UBXN2B: variants seen among roughly 807,000 people sequenced by gnomAD.
The protein encoded by UBXN2B is UBX domain protein 2B.
A neutral mutation model predicts 37.5 loss-of-function variants in UBXN2B; 19 were observed. The ratio of observed to expected loss-of-function variants is 0.51; its 90% CI spans 0.35 to 0.74. UBXN2B has a LOEUF of 0.74. UBXN2B is among the 30% of genes least tolerant of loss of function. The probability of loss-of-function intolerance (pLI) is 0.01; values close to 1 mark genes in which losing one functional copy is unlikely to be tolerated. For synonymous variants in UBXN2B, 145 were observed against 143.8 expected (o/e 1.01, Z -0.06); for missense variants, 370 against 393.2 (o/e 0.94, Z 0.50).
intron 4 of UBXN2B, among the ~76,000 whole-genome samples, chr8:58,433,777 T>TA (rs532052204): frequency 1.3e-5 from 2 of 151,900 alleles, no homozygotes; most frequent in African/African-American, 2.4e-5. Context: ...ATCTTTAAGA[T>TA]AAAAAAATCA....
chr8:58,426,795 G>T, intron 2 of UBXN2B: 1 of 603,226 alleles, frequency 1.7e-6, no homozygotes, highest in Non-Finnish European at 3.1e-6. Context: ...CAGATGCGGG[G>T]CGGAGCCAGC....
chr8:58,420,961 A>AT (rs550495048), intron 2 of UBXN2B, among the ~76,000 whole-genome samples: 51 of 152,206 alleles, frequency 3.4e-4, no homozygotes, highest in Non-Finnish European at 6.5e-4. Flanking sequence ...GTAAAACTTG[A>AT]TTCCCCCAAC....
intron 2 of UBXN2B, chr8:58,425,381 G>T (rs1563459642): frequency 1.8e-6 from 2 of 1,130,398 alleles, no homozygotes; most frequent in Non-Finnish European, 1.4e-6. Context: ...AGGCAGCCTT[G>T]TGTGGCAATG....
At chr8:58,421,160 G>A (rs1408314293) in intron 2 of UBXN2B, among the ~76,000 whole-genome samples, 1 of 151,982 alleles carries the variant, frequency 6.6e-6, no homozygotes, top group African/African-American at 2.4e-5. Context: ...AAACAATCTT[G>A]ACCATTTTCT....
At position 58,411,424 on chromosome 8, in the gene UBXN2B, G is replaced by A. The variant is rs1807632591; in HGVS notation, c.39G>A (p.Glu13=). The change falls in exon 1 of 8, where the codon GAG becomes GAA. Residue 13 remains glutamate (E), a synonymous_variant. Coordinates refer to ENST00000399598, the MANE Select transcript of UBXN2B (RefSeq NM_001077619.2). ...GAGGCCCTGAGCCCGGCGAGCAGGAGAGGAGGTCTTCCGGGCCGCGGCCTC... is the reference window on the plus strand; with the variant it reads ...GAGGCCCTGAGCCCGGCGAGCAGGAAAGGAGGTCTTCCGGGCCGCGGCCTC... The part of the protein sequence containing the change: ...EGGGPEPGEQ[E]RRSSGPRPPS... 3.9e-5 allele frequency: 49 copies of A among 1,266,438 alleles called. No homozygotes were observed. Among genetic ancestry groups the A allele is most frequent in the Non-Finnish European group, 4.7e-5 (47 of 1,000,462 alleles). The allele number at this position is 1,266,438 out of a possible 1,614,324, so 78.5% of individuals were successfully genotyped here.
At chr8:58,422,875 A>G (rs2081721250) in intron 2 of UBXN2B, among the ~76,000 whole-genome samples, 1 of 152,216 alleles carries the variant, frequency 6.6e-6, no homozygotes, top group South Asian at 2.1e-4. Context: ...TACTGTAAGC[A>G]GTTTTGGCTT....
At chr8:58,418,172 C>T (rs562691712) in intron 2 of UBXN2B, among the ~76,000 whole-genome samples, 2 of 139,840 alleles carry the variant, frequency 1.4e-5, no homozygotes, top group Non-Finnish European at 3.0e-5. Context: ...TCTTGGGAGG[C>T]AGAAGTTGCA....
At chr8:58,441,260 C>T (rs534894549) in intron 6 of UBXN2B, among the ~76,000 whole-genome samples, 1 of 150,936 alleles carries the variant, frequency 6.6e-6, no homozygotes, top group African/African-American at 2.4e-5. Flanking sequence ...TGCCAAAGTG[C>T]CTGGGTTACA....
chr8:58,418,073 T>C (rs1170622337), intron 2 of UBXN2B, among the ~76,000 whole-genome samples: 1 of 151,790 alleles, frequency 6.6e-6, no homozygotes, highest in Non-Finnish European at 1.5e-5. Context: ...AAACCCCATC[T>C]CTCCTAAAAA....
rs1054566030 is a variant in UBXN2B, at chr8:58,447,728, C to A, written c.*177C>A. 24 of 525,042 alleles carry A rather than the reference C, an allele frequency of 4.6e-5. No individual in the cohort carries two copies. The highest frequency in any genetic ancestry group is 6.7e-5 in the Non-Finnish European group (22 of 327,438). 32.5% of individuals were successfully genotyped at this position (525,042 alleles called of 1,614,324 possible). On this transcript the variant is annotated 3_prime_UTR_variant, in exon 8 of 8. Coordinates refer to ENST00000399598, the MANE Select transcript of UBXN2B (RefSeq NM_001077619.2). The stretch of plus-strand genomic sequence containing the variant: ...TAGACAAATTTGGATTAGGAATAGA[C>A]CTTGAGATAAGTATGTTTGAGTTTT...
At chr8:58,445,054 A>T (rs1808637086) in intron 6 of UBXN2B, among the ~76,000 whole-genome samples, 1 of 152,232 alleles carries the variant, frequency 6.6e-6, no homozygotes, top group African/African-American at 2.4e-5. Flanking sequence ...TTCAAGAGAA[A>T]AAACTTCAAG....
chr8:58,420,944 G>C (rs545077521), intron 2 of UBXN2B, among the ~76,000 whole-genome samples: 47 of 152,302 alleles, frequency 3.1e-4, no homozygotes, highest in African/African-American at 1.1e-3. Flanking sequence ...CCATGTGCTT[G>C]CTATATGTAA....
In UBXN2B at chr8:58,439,725, G is replaced by C. The variant is rs747002448; in HGVS notation, c.626G>C (p.Arg209Thr). ...CAGGATCAAGAATACATAAAACCTA[G>C]ATTGAGGTTCAAGGCTTTTAGTGGA... Reference protein sequence around the residue: ...DHQDQEYIKPRLRFKAFSGEG... With the variant: ...DHQDQEYIKPTLRFKAFSGEG... Residue 209 changes from arginine to threonine, a missense_variant, in exon 6 of 8, where the codon AGA becomes ACA. Around this residue, in one of 3 missense-constraint regions of UBXN2B, gnomAD observed 90 missense variants for 139.4 expected, o/e 0.65. Transcript: ENST00000399598. 5.6e-6 allele frequency: 9 copies of C among 1,608,518 alleles called. No homozygotes were observed. In the South Asian group the frequency reaches 8.9e-5, roughly 16 times the overall value.
intron 5 of UBXN2B, 120 bp from the exon 6 acceptor site, chr8:58,439,513 A>T: frequency 1.5e-6 from 2 of 1,310,516 alleles, no homozygotes; most frequent in Non-Finnish European, 2.0e-6. Flanking sequence ...TTTTTGTGTT[A>T]TAATTTAAGC....
Position 58,449,831 on chromosome 8 carries a change from T to C in UBXN2B, c.*2280T>C, listed in dbSNP as rs934268994. 2.0e-5 allele frequency: 3 copies of C among 152,254 alleles called. No individual in the cohort carries two copies. The highest frequency in any genetic ancestry group is 7.2e-5 in the African/African-American group (3 of 41,472). The allele number at this position is 152,254 out of a possible 1,614,324, so 9.4% of individuals were successfully genotyped here. On this transcript the variant is annotated 3_prime_UTR_variant, in exon 8 of 8. Transcript: ENST00000399598. ...TCAACTTATCAGTTTGTTCTTCTTT[T>C]ATATTCTCTAAAGCTTTCTGTTAAA...
intron 2 of UBXN2B, among the ~76,000 whole-genome samples, chr8:58,422,588 G>A (rs1428531076): frequency 3.3e-5 from 5 of 152,242 alleles, no homozygotes; most frequent in African/African-American, 9.6e-5. Flanking sequence ...AAATGATCTC[G>A]TTCAACCTGG....
Position 58,411,469 on chromosome 8 carries a change from G to T in UBXN2B, c.84G>T (p.Gln28His), listed in dbSNP as rs762277737. The change falls in exon 1 of 8, where the codon CAG becomes CAT. Residue 28 changes from glutamine to histidine, a missense_variant and splice_region_variant. By Grantham distance (24) the Gln-to-His change is conservative. This residue lies in a region of UBXN2B where 197 missense variants were observed against 170.2 expected (regional missense o/e 1.16). Coordinates refer to ENST00000399598, the MANE Select transcript of UBXN2B (RefSeq NM_001077619.2). ...GPRPPSARDL[Q>H]LALAELYEDE... ...GGCCTCCGAGCGCGCGGGATTTGCA[G>T]GTGAGGCGAGGAGCCGGGGGAGGGA... is the stretch of plus-strand genomic sequence containing the variant. The T allele has an allele frequency of 1.6e-6, 2 of 1,252,862 alleles. No individual in the cohort carries two copies. The highest frequency in any genetic ancestry group is 1.0e-6 in the Non-Finnish European group (1 of 993,836). The allele number at this position is 1,252,862 out of a possible 1,614,324, so 77.6% of individuals were successfully genotyped here.
intron 3 of UBXN2B, among the ~76,000 whole-genome samples, chr8:58,432,190 C>G (rs1808295804): frequency 6.6e-6 from 1 of 151,798 alleles, no homozygotes; most frequent in Non-Finnish European, 1.5e-5. Context: ...ATATTTTCTC[C>G]TTTGTTATCT....
At chr8:58,442,252 T>A (rs1438334076) in intron 6 of UBXN2B, among the ~76,000 whole-genome samples, 1 of 152,210 alleles carries the variant, frequency 6.6e-6, no homozygotes, top group East Asian at 1.9e-4. Flanking sequence ...AGCATGATGA[T>A]GTGAGCCTAT....
Sources: allele counts gnomAD v4.1 joint callset (sites outside exome capture counted in the v4.1 genomes callset), GRCh38; gene constraint gnomAD v4.1.1; regional missense constraint gnomAD v4.1.1; transcripts MANE v1.5; gene names NCBI Gene and HGNC (gene_info 2026-07-23, HGNC 2026-07-21).